Variants in C4orf51 observed in about 807,000 individuals in gnomAD.
C4orf51 encodes uncharacterized protein C4orf51.
A neutral mutation model predicts 25.2 loss-of-function variants in C4orf51; 25 were observed. The observed-to-expected ratio is 0.99, with a 90% CI of 0.72 to 1.39. C4orf51 has a LOEUF of 1.39. Ranked by LOEUF, C4orf51 falls within the 40% of genes most tolerant of loss-of-function variation. The pLI is 0.00. For synonymous variants in C4orf51, 100 were observed against 84.5 expected, an observed-to-expected ratio of 1.18 and a Z score of -1.01; for missense variants, 252 against 239.6, an observed-to-expected ratio of 1.05 and a Z score of -0.34.
chr4:145,712,888 T>G (rs779665483), intron 2 of C4orf51, among the ~76,000 whole-genome samples: 2 of 152,218 alleles, frequency 1.3e-5, no homozygotes, highest in African/African-American at 2.4e-5. Flanking sequence ...ATGCAGCTGG[T>G]GACTTTAAGT....
At chr4:145,690,749 C>T (rs1342259282) in intron 1 of C4orf51, among the ~76,000 whole-genome samples, 2 of 152,250 alleles carry the variant, frequency 1.3e-5, no homozygotes, top group African/African-American at 2.4e-5. Flanking sequence ...CAAAGGACTA[C>T]TATCCAGAAT....
chr4:145,775,717 A>C (rs1736961242), downstream of C4orf51: 5 of 1,567,912 alleles, frequency 3.2e-6, no homozygotes, highest in Non-Finnish European at 3.5e-6. Flanking sequence ...GTATGCCCAC[A>C]GCAGACAGGT....
At chr4:145,741,672 C>T (rs1733106675) in intron 1 of C4orf51, among the ~76,000 whole-genome samples, 1 of 151,986 alleles carries the variant, frequency 6.6e-6, no homozygotes, top group Admixed American at 6.6e-5. Flanking sequence ...AGCTAGGATG[C>T]ATTAACTTTC....
the C4orf51 span, chr4:145,779,518 C>T: frequency 1.2e-6 from 2 of 1,611,566 alleles, no homozygotes; most frequent in East Asian, 4.5e-5. Context: ...GTTTCTGGGT[C>T]AAAAGAACAA....
chr4:145,705,911 G>A (rs1252751067), intron 2 of C4orf51, among the ~76,000 whole-genome samples: 1 of 152,150 alleles, frequency 6.6e-6, no homozygotes, highest in African/African-American at 2.4e-5. Flanking sequence ...CTATAGTTAT[G>A]CCTGCTAAGA....
intron 2 of C4orf51, 130 bp downstream of exon 2, chr4:145,696,762 G>A (rs1730090197): frequency 4.4e-6 from 3 of 676,224 alleles, no homozygotes; most frequent in South Asian, 2.0e-5. Context: ...GCCGGGCACT[G>A]TGGCTCACAC....
At chr4:145,778,351 C>G in the C4orf51 span, among the ~76,000 whole-genome samples, 1 of 152,214 alleles carries the variant, frequency 6.6e-6, no homozygotes, top group African/African-American at 2.4e-5. Context: ...CCAGGCTGGT[C>G]TCAAACTCCT....
At chr4:145,777,387 G>A in the C4orf51 span, among the ~76,000 whole-genome samples, 1 of 152,162 alleles carries the variant, frequency 6.6e-6, no homozygotes, top group African/African-American at 2.4e-5. Flanking sequence ...TTCTCAAAAG[G>A]TTAGAAAGAA....
chr4:145,687,081 G>A (rs114863293), intron 1 of C4orf51, among the ~76,000 whole-genome samples: 4,889 of 152,094 alleles, frequency 0.032, 211 homozygotes, highest in African/African-American at 0.1. Flanking sequence ...AAAGGGAAAT[G>A]TCAAGCTGGT....
At chr4:145,776,293 C>T in the C4orf51 span, among the ~76,000 whole-genome samples, 1 of 151,740 alleles carries the variant, frequency 6.6e-6, no homozygotes, top group Admixed American at 6.6e-5. Flanking sequence ...TCCATCTCTA[C>T]AAAAAAATTT....
the C4orf51 span, among the ~76,000 whole-genome samples, chr4:145,776,326 T>C: frequency 6.6e-6 from 1 of 151,956 alleles, no homozygotes. Context: ...TCAGGTGTGG[T>C]GGCACGTGCC....
downstream of C4orf51, among the ~76,000 whole-genome samples, chr4:145,736,871 C>T (rs76925738): frequency 0.02 from 2,998 of 152,228 alleles, 75 homozygotes; most frequent in African/African-American, 0.061. Flanking sequence ...TCTCAATAGG[C>T]GCCTTTGGGG....
chr4:145,680,343 C>T lies in C4orf51; in HGVS notation c.140C>T (p.Thr47Ile). 6.2e-7 allele frequency: 1 copy of T among 1,613,980 alleles called. No individual in the cohort carries two copies. The highest frequency in any genetic ancestry group is 1.1e-5 in the South Asian group (1 of 91,082). The change falls in exon 1 of 6, where the codon ACA becomes ATA. Residue 47 changes from threonine (T) to isoleucine (I), a missense_variant. Transcript: ENST00000438731. ...ETRWSDSSVT[T>I]YTGSYRKKQL... is the part of the protein sequence containing the mutation. ...CGATGGTCAGATTCTTCCGTGACAA[C>T]ATACACAGGCAGTTACCGGAAAAAA...
chr4:145,730,957 C>T (rs1732424062), intron 5 of C4orf51, among the ~76,000 whole-genome samples: 1 of 152,132 alleles, frequency 6.6e-6, no homozygotes, highest in Non-Finnish European at 1.5e-5. Context: ...TGCTTAGGAC[C>T]TGATAATGTT....
At chr4:145,734,994 A>G (rs1475459180), downstream of C4orf51, among the ~76,000 whole-genome samples, 1 of 152,256 alleles carries the variant, frequency 6.6e-6, no homozygotes, top group Admixed American at 6.5e-5. Flanking sequence ...AAGAGAGCCC[A>G]GGCACAAGGC....
chr4:145,724,666 G>A lies in C4orf51; in HGVS notation c.308-2245G>A, dbSNP rs1731938779. Among the ~76,000 whole-genome samples, 6 of 152,148 alleles carry A rather than the reference G, an allele frequency of 3.9e-5. No homozygotes were observed. The South Asian group carries it at 1.2e-3, about 32-fold the overall frequency. The stretch of plus-strand genomic sequence containing the variant: ...AGAGGCTGAGGTAGGAGGACTGCTT[G>A]AGCTCGGGAGTTCGAGACCAGCCTG... On this transcript the variant is annotated intron_variant, in intron 2 of 5. Coordinates refer to ENST00000438731, the MANE Select transcript of C4orf51 (RefSeq NM_001080531.3).
At chr4:145,772,831 A>T (rs572561538), downstream of C4orf51, among the ~76,000 whole-genome samples, 72 of 152,360 alleles carry the variant, frequency 4.7e-4, 1 homozygote, top group Middle Eastern at 3.4e-3. Flanking sequence ...CTAGACAATG[A>T]GCCCTGAATC....
At chr4:145,729,531 G>C (rs1031271644) in intron 4 of C4orf51, among the ~76,000 whole-genome samples, 2 of 151,974 alleles carry the variant, frequency 1.3e-5, no homozygotes, top group African/African-American at 2.4e-5. Context: ...TCGATCTTCC[G>C]ACCTTGTGAT....
At chr4:145,771,202 C>T (rs1007081539), downstream of C4orf51, among the ~76,000 whole-genome samples, 10 of 151,964 alleles carry the variant, frequency 6.6e-5, no homozygotes, top group Non-Finnish European at 1.5e-5. Context: ...TTTTTCAGAC[C>T]CAGGTTTTGG....
Sources: allele counts gnomAD v4.1 joint callset (sites outside exome capture counted in the v4.1 genomes callset), GRCh38; gene constraint gnomAD v4.1.1; transcripts MANE v1.5; gene names NCBI Gene and HGNC (gene_info 2026-07-23, HGNC 2026-07-21).